Variants in CNTNAP2 observed in about 807,000 individuals in gnomAD.
The protein encoded by CNTNAP2 is contactin-associated protein-like 2.
In CNTNAP2, 98 loss-of-function variants were observed where a neutral mutation model predicts 155.2. The observed-to-expected ratio is 0.63, with a 90% confidence interval of 0.54 to 0.75. CNTNAP2 has a LOEUF of 0.75. Ranked by LOEUF, CNTNAP2 falls within the 30% of genes least tolerant of loss-of-function variation. The pLI is 0.00. For missense variants in CNTNAP2, 1,727 were observed against 1,688.1 expected (o/e 1.02, Z -0.40); for synonymous variants, 651 against 631.2 (o/e 1.03, Z -0.47).
intron 14 of CNTNAP2, among the ~76,000 whole-genome samples, chr7:147,927,155 T>TA (rs1277931075): frequency 6.6e-6 from 1 of 150,518 alleles, no homozygotes; most frequent in Non-Finnish European, 1.5e-5. Flanking sequence ...TGTAGAATGA[T>TA]AAAGATAATT....
intron 15 of CNTNAP2, among the ~76,000 whole-genome samples, chr7:148,002,780 T>G (rs1372125502): frequency 6.6e-6 from 1 of 152,188 alleles, no homozygotes; most frequent in Non-Finnish European, 1.5e-5. Flanking sequence ...TGGATCTGAT[T>G]CATCTCTGTA....
rs1416923418 is a variant in CNTNAP2 at position 146,919,194 on chromosome 7, A to G, written c.402+79290A>G. On this transcript the variant is annotated intron_variant, in intron 3 of 23. Coordinates refer to ENST00000361727, the MANE Select transcript of CNTNAP2 (RefSeq NM_014141.6). ...GAATGGTTTTTCTGGCAATTCAGAG[A>G]TTTTGTCTTGGTTTGGATTCATTGC... Among the ~76,000 whole-genome samples the G allele has an allele frequency of 3.3e-5, 5 of 151,792 alleles. No homozygotes were observed. The South Asian group carries it at 8.3e-4, about 25-fold the overall frequency.
chr7:146,552,690 C>T (rs1798140321), intron 1 of CNTNAP2, among the ~76,000 whole-genome samples: 1 of 151,912 alleles, frequency 6.6e-6, no homozygotes, highest in African/African-American at 2.4e-5. Context: ...TGTATGAGAC[C>T]CCTCTTGGTT....
At chr7:147,817,561 G>A (rs779566990) in intron 13 of CNTNAP2, among the ~76,000 whole-genome samples, 6 of 151,678 alleles carry the variant, frequency 4.0e-5, no homozygotes, top group South Asian at 4.1e-4. Flanking sequence ...ACTTATTCAC[G>A]TAATTAAATG....
rs149318698 is a variant in CNTNAP2, at chr7:147,718,717, T to C, written c.2098+79411T>C. On this transcript the variant is annotated intron_variant, in intron 13 of 23. Transcript: ENST00000361727. ...ATGAGGGTTGCTCACTGTTGGTTCC[T>C]ATAAAAAGTAATTACTAAAAAACAT... 4.5e-3 allele frequency among the ~76,000 whole-genome samples: 682 copies of C among 152,230 alleles called. 4 individuals carry two copies. Among genetic ancestry groups the C allele is most frequent in the African/African-American group, 0.016 (656 of 41,544 alleles).
chr7:146,619,916 C>G (rs572181204), intron 1 of CNTNAP2, among the ~76,000 whole-genome samples: 1 of 152,178 alleles, frequency 6.6e-6, no homozygotes, highest in South Asian at 2.1e-4. Context: ...CCACACAGTG[C>G]TGGAGAATTC....
chr7:146,768,821 T>C lies in CNTNAP2; in HGVS notation c.98-5450T>C, dbSNP rs150124654. The stretch of plus-strand genomic sequence containing the variant: ...TATAAAACATCTATTTGAAGTGTTA[T>C]AGTTTAAACATATATTGTTTTGTGA... On this transcript the variant is annotated intron_variant, in intron 1 of 23. Transcript: ENST00000361727. Among the ~76,000 whole-genome samples the C allele has an allele frequency of 1.7e-3, 262 of 152,334 alleles. 3 individuals carry two copies. Among genetic ancestry groups the C allele is most frequent in the African/African-American group, 5.9e-3 (245 of 41,576 alleles).
intron 1 of CNTNAP2, among the ~76,000 whole-genome samples, chr7:146,303,482 T>C (rs1194786053): frequency 1.3e-5 from 2 of 152,086 alleles, no homozygotes; most frequent in African/African-American, 4.8e-5. Context: ...TAGCTATAGG[T>C]AGAATGTTGT....
At chr7:148,164,126 G>A (rs547841147) in intron 17 of CNTNAP2, among the ~76,000 whole-genome samples, 12 of 152,158 alleles carry the variant, frequency 7.9e-5, no homozygotes, top group Middle Eastern at 6.8e-3. Context: ...GTAGAAATGG[G>A]GTTTCACCAT....
chr7:147,198,220 G>T (rs1265788210), intron 8 of CNTNAP2, among the ~76,000 whole-genome samples: 1 of 146,826 alleles, frequency 6.8e-6, no homozygotes, highest in African/African-American at 2.5e-5. Flanking sequence ...AGCATAGTTG[G>T]TTTCCAATAT....
intron 10 of CNTNAP2, among the ~76,000 whole-genome samples, chr7:147,456,911 G>C (rs892572206): frequency 4.6e-5 from 7 of 152,128 alleles, no homozygotes; most frequent in African/African-American, 1.7e-4. Flanking sequence ...ATAATCATTT[G>C]GTGATAAGTG....
chr7:146,283,322 A>ATT (rs1390706918), intron 1 of CNTNAP2, among the ~76,000 whole-genome samples: 1 of 152,182 alleles, frequency 6.6e-6, no homozygotes, highest in Non-Finnish European at 1.5e-5. Context: ...TTCAACATTT[A>ATT]TTTATACTAC....
intron 8 of CNTNAP2, among the ~76,000 whole-genome samples, chr7:147,211,139 T>C (rs1046027940): frequency 5.3e-5 from 8 of 151,998 alleles, no homozygotes; most frequent in Non-Finnish European, 7.4e-5. Flanking sequence ...TGTATGTGTC[T>C]ACTAGGTCCA....
intron 3 of CNTNAP2, among the ~76,000 whole-genome samples, chr7:146,920,206 G>A (rs1178647142): frequency 3.3e-5 from 5 of 152,028 alleles, no homozygotes; most frequent in Non-Finnish European, 7.3e-5. Flanking sequence ...CTGAGGTCAG[G>A]CGTTCAAGAC....
chr7:148,203,849 C>T (rs1212669686), intron 18 of CNTNAP2, among the ~76,000 whole-genome samples: 2 of 152,162 alleles, frequency 1.3e-5, no homozygotes, highest in African/African-American at 4.8e-5. Context: ...TAGAAAGAAG[C>T]CCAGGGCCAG....
chr7:146,490,944 T>C (rs1333430761), intron 1 of CNTNAP2, among the ~76,000 whole-genome samples: 1 of 152,208 alleles, frequency 6.6e-6, no homozygotes, highest in African/African-American at 2.4e-5. Context: ...GCCAATTATG[T>C]AATTATACCA....
chr7:147,158,751 T>C (rs1801972265), intron 8 of CNTNAP2, among the ~76,000 whole-genome samples: 1 of 152,058 alleles, frequency 6.6e-6, no homozygotes, highest in African/African-American at 2.4e-5. Flanking sequence ...TTCCTATATG[T>C]GCCAGAATGA....
chr7:148,251,689 G>T (rs552590462), intron 20 of CNTNAP2, among the ~76,000 whole-genome samples: 1 of 152,268 alleles, frequency 6.6e-6, no homozygotes, highest in South Asian at 2.1e-4. Flanking sequence ...CTTCTAGCTA[G>T]CTTTCTCTTG....
At chr7:147,502,509 G>A (rs994167082) in intron 11 of CNTNAP2, among the ~76,000 whole-genome samples, 24 of 152,132 alleles carry the variant, frequency 1.6e-4, no homozygotes, top group African/African-American at 4.8e-5. Context: ...AGGGACAATG[G>A]AGAAATGTTG....
Sources: allele counts gnomAD v4.1 joint callset (sites outside exome capture counted in the v4.1 genomes callset), GRCh38; gene constraint gnomAD v4.1.1; transcripts MANE v1.5; gene names NCBI Gene and HGNC (gene_info 2026-07-23, HGNC 2026-07-21).